The following NCAM2 variants were observed in gnomAD, a reference collection of about 807,000 sequenced individuals.
NCAM2 encodes the protein N-CAM-2.
A neutral mutation model predicts 98.1 loss-of-function variants in NCAM2; 30 were observed. That is an observed-to-expected ratio of 0.31 (90% CI 0.23 to 0.41). NCAM2 has a LOEUF of 0.41. NCAM2 is among the 10% of genes least tolerant of loss of function. NCAM2 has a pLI of 1.00. For synonymous variants in NCAM2, 368 were observed against 342.4 expected, an observed-to-expected ratio of 1.07 and a Z score of -0.83; for missense variants, 867 against 1,005.8, an observed-to-expected ratio of 0.86 and a Z score of 1.87.
intron 16 of NCAM2, among the ~76,000 whole-genome samples, chr21:21,515,548 A>C (rs1309731858): frequency 6.6e-6 from 1 of 152,190 alleles, no homozygotes; most frequent in African/African-American, 2.4e-5. Flanking sequence ...TTGCTTTCCT[A>C]ACAAGATATT....
intron 5 of NCAM2, among the ~76,000 whole-genome samples, chr21:21,303,190 C>T (rs2073776421): frequency 6.7e-6 from 1 of 149,910 alleles, no homozygotes; most frequent in African/African-American, 2.5e-5. Context: ...TGTGACAAAC[C>T]TGCACATGTA....
intron 15 of NCAM2, among the ~76,000 whole-genome samples, chr21:21,480,478 T>G (rs1569106925): frequency 6.6e-6 from 1 of 150,510 alleles, no homozygotes; most frequent in Non-Finnish European, 1.5e-5. Flanking sequence ...ATGTGTGACG[T>G]GGAAGGTATC....
chr21:21,140,613 G>A (rs1333186348), intron 1 of NCAM2, among the ~76,000 whole-genome samples: 1 of 152,062 alleles, frequency 6.6e-6, no homozygotes, highest in East Asian at 1.9e-4. Context: ...AGGACCACCA[G>A]GGTCCAGAAT....
At chr21:21,424,989 T>C (rs1043203246) in intron 11 of NCAM2, among the ~76,000 whole-genome samples, 5 of 124,256 alleles carry the variant, frequency 4.0e-5, no homozygotes, top group Non-Finnish European at 7.8e-5. Flanking sequence ...TGAGCTGAGA[T>C]CACACCATTA....
intron 9 of NCAM2, among the ~76,000 whole-genome samples, chr21:21,378,060 A>G (rs887499195): frequency 1.1e-4 from 17 of 152,022 alleles, no homozygotes; most frequent in African/African-American, 4.1e-4. Context: ...TATCTATACC[A>G]CATTTCCTTT....
At chr21:21,466,873 G>C (rs762441) in intron 13 of NCAM2, 148 bp downstream of exon 13, 405,857 of 797,204 alleles carry the variant, frequency 0.51, 110,306 homozygotes, top group African/African-American at 0.59. Context: ...AGTGACATCT[G>C]AGATTTATTA....
At chr21:21,018,967 T>C (rs1385577043) in intron 1 of NCAM2, among the ~76,000 whole-genome samples, 1 of 152,260 alleles carries the variant, frequency 6.6e-6, no homozygotes, top group Non-Finnish European at 1.5e-5. Context: ...GTTTTCAGAA[T>C]TCACATCACG....
chr21:21,040,161 T>C (rs1041401460), intron 1 of NCAM2, among the ~76,000 whole-genome samples: 1 of 152,194 alleles, frequency 6.6e-6, no homozygotes, highest in Non-Finnish European at 1.5e-5. Context: ...TATAGAATTT[T>C]AGAAAGAGGG....
intron 1 of NCAM2, among the ~76,000 whole-genome samples, chr21:21,271,590 A>C (rs541730532): frequency 6.6e-6 from 1 of 152,322 alleles, no homozygotes; most frequent in South Asian, 2.1e-4. Context: ...AAGAAAAAGT[A>C]TTACAGAATT....
chr21:21,159,481 A>G (rs944171686), intron 1 of NCAM2, among the ~76,000 whole-genome samples: 1 of 152,100 alleles, frequency 6.6e-6, no homozygotes, highest in Non-Finnish European at 1.5e-5. Flanking sequence ...TCAATTGTTT[A>G]TCTTTTATAT....
chr21:21,071,210 A>G (rs1056051743), intron 1 of NCAM2, among the ~76,000 whole-genome samples: 3 of 152,186 alleles, frequency 2.0e-5, no homozygotes, highest in Non-Finnish European at 4.4e-5. Context: ...AGAACTTAGG[A>G]CATGTTGTTC....
intron 5 of NCAM2, among the ~76,000 whole-genome samples, chr21:21,323,659 CA>C (rs2074435496): frequency 1.3e-5 from 2 of 152,176 alleles, no homozygotes; most frequent in African/African-American, 4.8e-5. Context: ...ACAGTTTCAA[CA>C]TGTTCCAAAT....
chr21:21,501,332 C>T lies in NCAM2; in HGVS notation c.2078-7519C>T, dbSNP rs529259741. On this transcript the variant is annotated intron_variant, in intron 15 of 17. Coordinates refer to ENST00000400546, the MANE Select transcript of NCAM2 (RefSeq NM_004540.5). The stretch of plus-strand genomic sequence containing the variant: ...TTATCTCAGAATGTGTCTTCCATAA[C>T]GCAAAATTTTGCCATAATGTTAACT... 5.3e-5 allele frequency among the ~76,000 whole-genome samples: 8 copies of T among 151,896 alleles called. No individual in the cohort carries two copies. In the South Asian group the frequency reaches 8.3e-4, roughly 16 times the overall value.
Position 21,122,262 on chromosome 21 carries a change from A to T in NCAM2, c.55+123644A>T, listed in dbSNP as rs189087136. Among the ~76,000 whole-genome samples the T allele has an allele frequency of 2.6e-5, 4 of 152,324 alleles. No homozygotes were observed. In the South Asian group the frequency reaches 8.3e-4, roughly 32 times the overall value. Reference sequence around the variant, plus strand: ...TATTTCATTATTAATTTAACCTCTTAATATAATCTGGTAAGGTGATTACTT... The same window carrying T: ...TATTTCATTATTAATTTAACCTCTTTATATAATCTGGTAAGGTGATTACTT... On this transcript the variant is annotated intron_variant, in intron 1 of 17. Coordinates refer to ENST00000400546, the MANE Select transcript of NCAM2 (RefSeq NM_004540.5).
chr21:21,432,090 A>G lies in NCAM2; in HGVS notation c.1481-18A>G, dbSNP rs2077357843. 1.9e-6 allele frequency: 3 copies of G among 1,607,488 alleles called. No homozygotes were observed. The highest frequency in any genetic ancestry group is 1.1e-5 in the South Asian group (1 of 90,772). ...CCATTCCCTTGGTTATGTTTTCTTTATATTTCTTTGTCCATAGACGTGCCA... is the reference window on the plus strand; with the variant it reads ...CCATTCCCTTGGTTATGTTTTCTTTGTATTTCTTTGTCCATAGACGTGCCA... On this transcript the variant is annotated intron_variant, in intron 11 of 17. Transcript: ENST00000400546.
chr21:21,254,898 TTG>T (rs34003442), intron 1 of NCAM2, among the ~76,000 whole-genome samples: 88,342 of 147,554 alleles, frequency 0.6, 26,333 homozygotes, highest in East Asian at 0.86. Flanking sequence ...GGATAATAGT[TTG>T]TGTGTGTGTG....
chr21:21,252,012 C>G (rs1027034510), intron 1 of NCAM2, among the ~76,000 whole-genome samples: 1 of 152,086 alleles, frequency 6.6e-6, no homozygotes, highest in South Asian at 2.1e-4. Flanking sequence ...AGGTTTTCTT[C>G]TAGGGTTTTT....
intron 1 of NCAM2, among the ~76,000 whole-genome samples, chr21:21,080,589 C>A (rs2065772462): frequency 7.5e-6 from 1 of 132,462 alleles, no homozygotes. Context: ...GCACTCCAGC[C>A]TGGGCAACAA....
intron 12 of NCAM2, among the ~76,000 whole-genome samples, chr21:21,450,555 C>T (rs1178078798): frequency 6.6e-6 from 1 of 151,948 alleles, no homozygotes; most frequent in Admixed American, 6.6e-5. Flanking sequence ...GTCTCAAATT[C>T]CTGGCCTCAA....
Sources: allele counts gnomAD v4.1 joint callset (sites outside exome capture counted in the v4.1 genomes callset), GRCh38; gene constraint gnomAD v4.1.1; transcripts MANE v1.5; gene names NCBI Gene and HGNC (gene_info 2026-07-23, HGNC 2026-07-21).